The following CLCA4 variants were observed in gnomAD, a reference collection of about 807,000 sequenced individuals.
The protein encoded by CLCA4 is calcium-activated chloride channel regulator 4.
Under a neutral mutation model 78.9 loss-of-function variants are expected in CLCA4, and 69 were observed. The ratio of observed to expected loss-of-function variants is 0.87; its 90% CI spans 0.72 to 1.07. The LOEUF (loss-of-function observed/expected upper bound fraction) is 1.07, where lower values mean the gene tolerates loss of function less well. Among genes scored for constraint, CLCA4 ranks in the 50% least tolerant of loss-of-function variants. The pLI is 0.00. For synonymous variants in CLCA4, 362 were observed against 375.8 expected (o/e 0.96, Z 0.42); for missense variants, 1,133 against 1,095.8 (o/e 1.03, Z -0.48).
Position 86,565,531 on chromosome 1 carries a change from C to T in CLCA4, c.735+80C>T, listed in dbSNP as rs527247089. On this transcript the variant is annotated intron_variant, in intron 5 of 13. Coordinates refer to ENST00000370563, the MANE Select transcript of CLCA4 (RefSeq NM_012128.4). Reference sequence around the variant, plus strand: ...GTTTTTAAAGTATCTGTTCAGGTGACCTGAGGATTATATATATTGATATAG... The same window carrying T: ...GTTTTTAAAGTATCTGTTCAGGTGATCTGAGGATTATATATATTGATATAG... 31 of 1,133,138 alleles carry T rather than the reference C, an allele frequency of 2.7e-5. No individual in the cohort carries two copies. The East Asian group carries it at 6.8e-4, about 25-fold the overall frequency. The allele number at this position is 1,133,138 out of a possible 1,614,324, so 70.2% of individuals were successfully genotyped here.
rs558991470 is a variant in CLCA4 at position 86,551,788 on chromosome 1, T to C, written c.159+4510T>C. The stretch of plus-strand genomic sequence containing the variant: ...CCCGTGATCTCCAAACAGACAAATA[T>C]TTGACCTTTGCCTTCAATGACATTT... On this transcript the variant is annotated intron_variant, in intron 1 of 13. Transcript: ENST00000370563. Among the ~76,000 whole-genome samples the C allele has an allele frequency of 2.0e-5, 3 of 152,280 alleles. No homozygotes were observed. The East Asian group carries it at 5.8e-4, about 29-fold the overall frequency.
chr1:86,565,192 T>C (rs1222782115), intron 4 of CLCA4, 82 bp from the exon 5 acceptor site: 3 of 907,676 alleles, frequency 3.3e-6, no homozygotes, highest in East Asian at 2.5e-5. Context: ...GATATAAAGT[T>C]CATCATGAAT....
Position 86,579,934 on chromosome 1 carries a change from T to A in CLCA4, c.2357-8T>A. The A allele has an allele frequency of 1.3e-6, 2 of 1,535,128 alleles. No homozygotes were observed. Among genetic ancestry groups the A allele is most frequent in the Non-Finnish European group, 1.8e-6 (2 of 1,135,556 alleles). ...GTCTCTAAACTACATGTAACTTTTT[T>A]TTCTCAGTTCAACGTTATATCATAA... On this transcript the variant is annotated splice_region_variant and splice_polypyrimidine_tract_variant and intron_variant, in intron 13 of 13. Transcript: ENST00000370563.
In CLCA4 at chr1:86,580,091, G is replaced by T. The variant is rs1650663650; in HGVS notation, c.2506G>T (p.Glu836Ter). The stretch of plus-strand genomic sequence containing the variant: ...ATTTAAACCAGAAAATATCTCAGAA[G>T]AAAATGCAACCCACATATTTATTGC... ...FAFKPENISE[E>*]NATHIFIAIK... Residue 836 changes from glutamate (E) to a stop codon, truncating the protein, a stop_gained, in exon 14 of 14, where the codon GAA (glutamate) becomes TAA (stop). Coordinates refer to ENST00000370563, the MANE Select transcript of CLCA4 (RefSeq NM_012128.4). LOFTEE classifies it low-confidence loss of function (END_TRUNC). 1 of 1,612,940 alleles carries T rather than the reference G, an allele frequency of 6.2e-7. No individual in the cohort carries two copies. The highest frequency in any genetic ancestry group is 8.5e-7 in the Non-Finnish European group (1 of 1,179,430).
At chr1:86,574,313 ACTGTAAAAC>A (rs1219775395) in intron 9 of CLCA4, among the ~76,000 whole-genome samples, 1 of 152,046 alleles carries the variant, frequency 6.6e-6, no homozygotes, top group African/African-American at 2.4e-5. Flanking sequence ...CATATTCATG[ACTGTAAAAC>A]CCTTGTTTCT....
Position 86,563,661 on chromosome 1 carries a change from G to T in CLCA4, c.449G>T (p.Gly150Val). Residue 150 changes from glycine (G) to valine (V), a missense_variant and splice_region_variant, in exon 4 of 14, where the codon GGC becomes GTC. By Grantham distance (109) the Gly-to-Val change is moderately radical. Transcript: ENST00000370563. The stretch of plus-strand genomic sequence containing the variant: ...ATGTATTTGAAATGCTTTCCCACAG[G>T]CAAACTGTTTGTCCATGAGTGGGCT... The part of the protein sequence containing the change: ...GKKQNEYGPP[G>V]KLFVHEWAHL... 1 of 1,538,326 alleles carries T rather than the reference G, an allele frequency of 6.5e-7. No individual in the cohort carries two copies. Among genetic ancestry groups the T allele is most frequent in the South Asian group, 1.2e-5 (1 of 80,108 alleles).
At chr1:86,574,880 C>T (rs940755950) in intron 10 of CLCA4, 125 bp downstream of exon 10, 23 of 688,848 alleles carry the variant, frequency 3.3e-5, no homozygotes, top group Non-Finnish European at 4.7e-5. Context: ...ATAGTATGTA[C>T]TTTCCATGCC....
intron 1 of CLCA4, among the ~76,000 whole-genome samples, chr1:86,548,973 C>A (rs1570315470): frequency 6.6e-6 from 1 of 152,202 alleles, no homozygotes; most frequent in East Asian, 1.9e-4. Context: ...TTAAAGAATT[C>A]TTTGTTGAAT....
At position 86,553,513 on chromosome 1, in the gene CLCA4, G is replaced by A. The variant is rs539619927; in HGVS notation, c.159+6235G>A. On this transcript the variant is annotated intron_variant, in intron 1 of 13. Transcript: ENST00000370563. ...TGCCCGCTGGGTCCTCTGCTCAGCC[G>A]ACGCCACCGCCGCTGCCGCCTGCTT... Among the ~76,000 whole-genome samples, 6 of 152,314 alleles carry A rather than the reference G, an allele frequency of 3.9e-5. 1 individual carries two copies. Among genetic ancestry groups the A allele is most frequent in the East Asian group, 1.9e-4 (1 of 5,164 alleles).
intron 1 of CLCA4, among the ~76,000 whole-genome samples, chr1:86,551,306 CTTTGT>C (rs559816327): frequency 1.3e-5 from 2 of 152,016 alleles, no homozygotes; most frequent in Admixed American, 6.5e-5. Context: ...TTTTCTTTAC[CTTTGT>C]TTTGTTTTGT....
rs1165722592 is a variant in CLCA4, at chr1:86,575,423, C to T, written c.1775C>T (p.Pro592Leu). The change falls in exon 11 of 14, where the codon CCT becomes CTT. Residue 592 changes from proline to leucine, a missense_variant. Transcript: ENST00000370563. ...VTSRAANSSVPPITVNAKMNK... is the reference protein window; with the variant it reads ...VTSRAANSSVLPITVNAKMNK... ...TCTCGAGCAGCAAATTCTTCTGTGC[C>T]TCCAATCACAGTGAATGCTAAAATG... 2 of 1,613,374 alleles carry T rather than the reference C, an allele frequency of 1.2e-6. No individual in the cohort carries two copies. Among genetic ancestry groups the T allele is most frequent in the East Asian group, 2.2e-5 (1 of 44,838 alleles).
intron 1 of CLCA4, 141 bp downstream of exon 1, chr1:86,547,419 A>T: frequency 8.4e-6 from 5 of 597,072 alleles, no homozygotes; most frequent in Non-Finnish European, 1.3e-5. Flanking sequence ...AATCAGGGTA[A>T]TTAGCATATT....
At chr1:86,563,512 G>C (rs1040010711) in intron 3 of CLCA4, 149 bp from the exon 4 acceptor site, 1 of 475,010 alleles carries the variant, frequency 2.1e-6, no homozygotes, top group Non-Finnish European at 3.8e-6. Context: ...TAATGCAATA[G>C]GCTTTTTTAT....
intron 1 of CLCA4, chr1:86,552,765 T>C: frequency 7.1e-7 from 1 of 1,407,510 alleles, no homozygotes; most frequent in Non-Finnish European, 1.0e-6. Flanking sequence ...CTGTCAGTAC[T>C]GTGTCCAGGT....
intron 6 of CLCA4, among the ~76,000 whole-genome samples, chr1:86,566,669 T>C (rs371332088): frequency 5.3e-5 from 8 of 151,940 alleles, no homozygotes; most frequent in Admixed American, 3.9e-4. Flanking sequence ...AAAATGAAGA[T>C]GTAGAAGTTT....
chr1:86,567,474 G>T lies in CLCA4; in HGVS notation c.1005G>T (p.Leu335=), dbSNP rs1329752695. The change falls in exon 7 of 14, where the codon CTG becomes CTT. Residue 335 remains leucine (L), a synonymous_variant. Transcript: ENST00000370563. The part of the protein sequence containing the change: ...RMNQAAKHFL[L]QTVENGSWVG... ...ATCAAGCAGCAAAACATTTCCTGCTGCAGACTGTTGAAAATGGATCCTGGG... is the reference window on the plus strand; with the variant it reads ...ATCAAGCAGCAAAACATTTCCTGCTTCAGACTGTTGAAAATGGATCCTGGG... 1 of 1,613,272 alleles carries T rather than the reference G, an allele frequency of 6.2e-7. No homozygotes were observed. Among genetic ancestry groups the T allele is most frequent in the Non-Finnish European group, 8.5e-7 (1 of 1,179,452 alleles).
At chr1:86,556,187 C>G (rs542888877) in intron 1 of CLCA4, among the ~76,000 whole-genome samples, 3 of 152,176 alleles carry the variant, frequency 2.0e-5, no homozygotes, top group East Asian at 1.9e-4. Context: ...ATTTGGATGC[C>G]CTTTATTTAT....
intron 3 of CLCA4, among the ~76,000 whole-genome samples, chr1:86,562,083 G>GAC (rs150445284): frequency 7.3e-5 from 11 of 151,492 alleles, no homozygotes; most frequent in Admixed American, 3.9e-4. Flanking sequence ...ACACACACAC[G>GAC]ACACACACAC....
intron 1 of CLCA4, among the ~76,000 whole-genome samples, chr1:86,559,155 G>A (rs1649937955): frequency 6.6e-6 from 1 of 152,102 alleles, no homozygotes; most frequent in Non-Finnish European, 1.5e-5. Flanking sequence ...CAAGTAGTTT[G>A]CTTTCTTCTG....
Sources: gnomAD v4.1 joint callset for allele counts (sites outside exome capture counted in the v4.1 genomes callset) on GRCh38, gnomAD v4.1.1 for gene constraint, MANE v1.5 for transcripts, NCBI Gene and HGNC (gene_info 2026-07-23, HGNC 2026-07-21) for gene names.